Variants in NEGR1 observed in about 807,000 individuals in gnomAD.
The protein encoded by NEGR1 is IgLON family member 4.
Under a neutral mutation model 40.9 loss-of-function variants are expected in NEGR1, and 10 were observed. The observed-to-expected ratio is 0.24, with a 90% CI of 0.15 to 0.42. The LOEUF is 0.42. NEGR1 is among the 10% of genes least tolerant of loss of function. The pLI is 1.00. For missense variants in NEGR1, 352 were observed against 438.9 expected, an observed-to-expected ratio of 0.80 and a Z score of 1.77; for synonymous variants, 185 against 166.8, an observed-to-expected ratio of 1.11 and a Z score of -0.84.
At chr1:71,479,809 A>G (rs1646843233) in intron 6 of NEGR1, among the ~76,000 whole-genome samples, 1 of 151,938 alleles carries the variant, frequency 6.6e-6, no homozygotes, top group African/African-American at 2.4e-5. Context: ...GCCAATATGC[A>G]ATTAATATTG....
At chr1:71,482,109 A>C (rs912846189) in intron 6 of NEGR1, among the ~76,000 whole-genome samples, 13 of 151,664 alleles carry the variant, frequency 8.6e-5, no homozygotes, top group Non-Finnish European at 1.8e-4. Context: ...TGAAGATTAA[A>C]CCCCTGCTTA....
At chr1:72,190,166 ATAAG>A (rs1652768169) in intron 1 of NEGR1, among the ~76,000 whole-genome samples, 1 of 151,590 alleles carries the variant, frequency 6.6e-6, no homozygotes, top group African/African-American at 2.4e-5. Flanking sequence ...TCACAACTTG[ATAAG>A]TAGTCAGAAT....
At chr1:72,250,308 C>T (rs994864539) in intron 1 of NEGR1, among the ~76,000 whole-genome samples, 16 of 152,076 alleles carry the variant, frequency 1.1e-4, no homozygotes, top group Admixed American at 8.5e-4. Context: ...TGATTCTCTT[C>T]CCCTGGGGAA....
chr1:71,872,360 A>G (rs912723561), intron 2 of NEGR1, among the ~76,000 whole-genome samples: 2 of 152,060 alleles, frequency 1.3e-5, no homozygotes, highest in Non-Finnish European at 2.9e-5. Flanking sequence ...GAATTAAAGG[A>G]GTAGTATTGT....
chr1:72,060,429 A>C (rs1014878332), intron 1 of NEGR1, among the ~76,000 whole-genome samples: 1 of 151,674 alleles, frequency 6.6e-6, no homozygotes, highest in Admixed American at 6.6e-5. Flanking sequence ...ACAAACTTTT[A>C]TTACATTTCA....
At chr1:71,498,062 A>G (rs1442783094) in intron 6 of NEGR1, among the ~76,000 whole-genome samples, 1 of 151,564 alleles carries the variant, frequency 6.6e-6, no homozygotes, top group Non-Finnish European at 1.5e-5. Flanking sequence ...GTTGAATTGG[A>G]ACTTTTTTTT....
At chr1:71,615,820 A>T (rs1650428883) in intron 4 of NEGR1, among the ~76,000 whole-genome samples, 1 of 152,216 alleles carries the variant, frequency 6.6e-6, no homozygotes, top group African/African-American at 2.4e-5. Context: ...GTCTGCAAAG[A>T]GGCAGGAGAG....
At chr1:71,917,246 C>T (rs532252536) in intron 2 of NEGR1, among the ~76,000 whole-genome samples, 2 of 152,254 alleles carry the variant, frequency 1.3e-5, no homozygotes, top group Admixed American at 6.5e-5. Flanking sequence ...GTTATATTTA[C>T]TTATAATAAC....
chr1:72,021,360 G>T (rs1421234343), intron 1 of NEGR1, among the ~76,000 whole-genome samples: 1 of 152,020 alleles, frequency 6.6e-6, no homozygotes, highest in African/African-American at 2.4e-5. Flanking sequence ...AAATTTATAA[G>T]TTAAAATGAT....
chr1:72,243,904 C>A (rs1327656738), intron 1 of NEGR1, among the ~76,000 whole-genome samples: 1 of 151,624 alleles, frequency 6.6e-6, no homozygotes, highest in Non-Finnish European at 1.5e-5. Context: ...TATACTTGAT[C>A]AAGGTCTTAA....
At chr1:71,635,074 C>G (rs1271166441) in intron 4 of NEGR1, among the ~76,000 whole-genome samples, 2 of 151,878 alleles carry the variant, frequency 1.3e-5, no homozygotes, top group Non-Finnish European at 2.9e-5. Context: ...GAGAGACCTG[C>G]AGAAAAATGG....
intron 1 of NEGR1, among the ~76,000 whole-genome samples, chr1:71,939,415 C>T (rs1342092035): frequency 6.6e-6 from 1 of 151,736 alleles, no homozygotes; most frequent in Non-Finnish European, 1.5e-5. Context: ...TAAATGTAAG[C>T]GTGTGTTGAG....
At chr1:71,499,147 T>G (rs1343728562) in intron 6 of NEGR1, among the ~76,000 whole-genome samples, 1 of 152,182 alleles carries the variant, frequency 6.6e-6, no homozygotes, top group Non-Finnish European at 1.5e-5. Flanking sequence ...AAATGAACTG[T>G]CATTAGGTGT....
At chr1:72,113,980 T>A (rs1437876488) in intron 1 of NEGR1, among the ~76,000 whole-genome samples, 3 of 151,742 alleles carry the variant, frequency 2.0e-5, no homozygotes, top group Non-Finnish European at 2.9e-5. Flanking sequence ...TAAACACTTG[T>A]GTAATGTTAT....
intron 1 of NEGR1, among the ~76,000 whole-genome samples, chr1:72,220,120 T>G (rs900543519): frequency 6.6e-6 from 1 of 151,998 alleles, no homozygotes; most frequent in Non-Finnish European, 1.5e-5. Context: ...CTCACATTAT[T>G]TTAAAACATG....
intron 1 of NEGR1, among the ~76,000 whole-genome samples, chr1:71,937,163 G>A (rs1422653450): frequency 6.6e-6 from 1 of 152,120 alleles, no homozygotes; most frequent in African/African-American, 2.4e-5. Flanking sequence ...AGTCAGCTTT[G>A]CCATCTACAG....
At chr1:72,207,457 G>T (rs1025322859) in intron 1 of NEGR1, among the ~76,000 whole-genome samples, 1 of 151,690 alleles carries the variant, frequency 6.6e-6, no homozygotes, top group African/African-American at 2.4e-5. Context: ...AGAAAAATTT[G>T]GGAACTTGGA....
intron 1 of NEGR1, among the ~76,000 whole-genome samples, chr1:71,982,178 T>G (rs1383679897): frequency 5.3e-5 from 8 of 152,196 alleles, no homozygotes; most frequent in Non-Finnish European, 1.2e-4. Context: ...ATCTCTCTTT[T>G]TTTCAGACTT....
At chr1:72,176,095 T>G (rs1338388547) in intron 1 of NEGR1, among the ~76,000 whole-genome samples, 1 of 152,228 alleles carries the variant, frequency 6.6e-6, no homozygotes, top group African/African-American at 2.4e-5. Context: ...TTATAAAGTT[T>G]TTTTGGAAAT....
Sources: allele counts gnomAD v4.1 joint callset (sites outside exome capture counted in the v4.1 genomes callset), GRCh38; gene constraint gnomAD v4.1.1; transcripts MANE v1.5; gene names NCBI Gene and HGNC (gene_info 2026-07-23, HGNC 2026-07-21).